PAPPA: variants seen among roughly 807,000 people sequenced by gnomAD.
The protein encoded by PAPPA is pappalysin 1.
A neutral mutation model predicts 164.0 loss-of-function variants in PAPPA; 60 were observed. That is an observed-to-expected ratio of 0.37 (90% CI 0.30 to 0.45). The LOEUF (loss-of-function observed/expected upper bound fraction) is 0.45, where lower values mean the gene tolerates loss of function less well. PAPPA is among the 20% of genes least tolerant of loss of function. The probability of loss-of-function intolerance (pLI) is 1.00; values close to 1 mark genes in which losing one functional copy is unlikely to be tolerated. For missense variants in PAPPA, 1,782 were observed against 2,087.3 expected (o/e 0.85, Z 2.85); for synonymous variants, 875 against 814.1 (o/e 1.07, Z -1.27).
chr9:116,353,470 T>A (rs1013955925), intron 16 of PAPPA, 152 bp from the exon 17 acceptor site: 1 of 654,176 alleles, frequency 1.5e-6, no homozygotes, highest in Admixed American at 2.9e-5. Flanking sequence ...TTATCCTTAA[T>A]TCCTGCACGG....
At chr9:116,373,395 C>T (rs1447420718) in intron 19 of PAPPA, 1 of 152,046 alleles carries the variant, frequency 6.6e-6, no homozygotes, top group Non-Finnish European at 1.5e-5. Flanking sequence ...GCCAGAAACT[C>T]AGTGGCTGAT....
chr9:116,373,559 G>A (rs1323147599), intron 19 of PAPPA: 1 of 152,050 alleles, frequency 6.6e-6, no homozygotes, highest in Non-Finnish European at 1.5e-5. Context: ...TGGATGAGGG[G>A]GCTCTCTTAG....
chr9:116,192,063 C>A (rs1054682594), intron 2 of PAPPA, among the ~76,000 whole-genome samples: 2 of 152,134 alleles, frequency 1.3e-5, no homozygotes, highest in African/African-American at 4.8e-5. Flanking sequence ...GCCACCTGAC[C>A]AGAAGGGAAC....
chr9:116,161,438 GGACTCT>G (rs1351279643), intron 1 of PAPPA, among the ~76,000 whole-genome samples: 1 of 152,180 alleles, frequency 6.6e-6, no homozygotes, highest in Non-Finnish European at 1.5e-5. Flanking sequence ...GTGAAGGGCA[GGACTCT>G]GCCTCTCTCC....
At chr9:116,343,688 T>C (rs908701571) in intron 13 of PAPPA, among the ~76,000 whole-genome samples, 4 of 152,184 alleles carry the variant, frequency 2.6e-5, no homozygotes, top group African/African-American at 9.7e-5. Flanking sequence ...TGATGTACTT[T>C]GCCAACTAGG....
intron 1 of PAPPA, among the ~76,000 whole-genome samples, chr9:116,166,105 G>A (rs993844369): frequency 6.6e-6 from 1 of 152,238 alleles, no homozygotes; most frequent in Admixed American, 6.5e-5. Context: ...GTTGCATTAC[G>A]TAACCAAAGC....
intron 15 of PAPPA, among the ~76,000 whole-genome samples, chr9:116,350,723 T>A (rs1307586723): frequency 6.6e-6 from 1 of 152,170 alleles, no homozygotes; most frequent in Non-Finnish European, 1.5e-5. Flanking sequence ...ACCTTGTGCA[T>A]TAGCTGGGCA....
At chr9:116,166,104 C>T (rs961152436) in intron 1 of PAPPA, among the ~76,000 whole-genome samples, 4 of 152,210 alleles carry the variant, frequency 2.6e-5, no homozygotes, top group East Asian at 3.9e-4. Context: ...TGTTGCATTA[C>T]GTAACCAAAG....
intron 10 of PAPPA, among the ~76,000 whole-genome samples, chr9:116,317,413 C>A (rs1291741380): frequency 6.6e-6 from 1 of 152,102 alleles, no homozygotes; most frequent in Non-Finnish European, 1.5e-5. Flanking sequence ...CCCCTTTAGT[C>A]TTAATAGCTC....
chr9:116,365,615 T>A, intron 18 of PAPPA, among the ~76,000 whole-genome samples: 1 of 150,968 alleles, frequency 6.6e-6, no homozygotes, highest in Non-Finnish European at 1.5e-5. Context: ...AGGCTGCATT[T>A]TTTTTTTTCA....
In PAPPA at chr9:116,331,345, T is replaced by C. The variant is rs1201458306; in HGVS notation, c.3249T>C (p.Thr1083=). 1 of 1,607,954 alleles carries C rather than the reference T, an allele frequency of 6.2e-7. No homozygotes were observed. Among genetic ancestry groups the C allele is most frequent in the Non-Finnish European group, 8.5e-7 (1 of 1,174,518 alleles). The change falls in exon 11 of 22, where the codon ACT becomes ACC. Residue 1083 remains threonine, a synonymous_variant. Transcript: ENST00000328252. ...SYPYSQLAQT[T]FWLRAYFSQP... ...CATATTCCCAGCTGGCTCAGACCAC[T>C]TTTTGGCTCCGGGTAAGCTGAAGCT...
chr9:116,344,516 T>A, intron 13 of PAPPA, 27 bp from the exon 14 acceptor site: 4 of 1,600,854 alleles, frequency 2.5e-6, no homozygotes, highest in Non-Finnish European at 3.4e-6. Context: ...GGAGACTCCT[T>A]CTTCCCCTCG....
At chr9:116,379,542 T>C (rs1846699538) in intron 20 of PAPPA, among the ~76,000 whole-genome samples, 1 of 102,640 alleles carries the variant, frequency 9.7e-6, no homozygotes, top group African/African-American at 3.0e-5. Flanking sequence ...TTGCCTGTCA[T>C]CCATCCATCC....
intron 9 of PAPPA, among the ~76,000 whole-genome samples, chr9:116,276,636 A>G (rs982831137): frequency 6.6e-6 from 1 of 152,178 alleles, no homozygotes; most frequent in Non-Finnish European, 1.5e-5. Flanking sequence ...TATAGTTAAG[A>G]AAACAAAGGA....
At chr9:116,338,568 G>A (rs1230260155) in intron 13 of PAPPA, among the ~76,000 whole-genome samples, 1 of 152,160 alleles carries the variant, frequency 6.6e-6, no homozygotes, top group Admixed American at 6.5e-5. Context: ...GAATGAAGCT[G>A]CTCTTGGCCA....
intron 1 of PAPPA, among the ~76,000 whole-genome samples, chr9:116,182,534 G>T (rs1172970228): frequency 6.6e-6 from 1 of 152,114 alleles, no homozygotes; most frequent in Non-Finnish European, 1.5e-5. Context: ...ACTTGTCTTG[G>T]GGTAATATTT....
chr9:116,320,924 A>T (rs1490197538), intron 10 of PAPPA, among the ~76,000 whole-genome samples: 4 of 152,178 alleles, frequency 2.6e-5, no homozygotes, highest in African/African-American at 9.7e-5. Context: ...AGTGCTCCGC[A>T]GGTAGTGGGA....
At chr9:116,341,344 A>G (rs1366708668) in intron 13 of PAPPA, among the ~76,000 whole-genome samples, 1 of 152,000 alleles carries the variant, frequency 6.6e-6, no homozygotes, top group Non-Finnish European at 1.5e-5. Context: ...CCGACCTCAA[A>G]GCATTTCTCA....
intron 5 of PAPPA, among the ~76,000 whole-genome samples, chr9:116,225,527 G>A (rs400393): frequency 0.49 from 73,718 of 151,928 alleles, 18,771 homozygotes; most frequent in East Asian, 0.73. Context: ...AGCTTTGGAT[G>A]TTACTTTTTC....
Sources: allele counts gnomAD v4.1 joint callset (sites outside exome capture counted in the v4.1 genomes callset), GRCh38; gene constraint gnomAD v4.1.1; transcripts MANE v1.5; gene names NCBI Gene and HGNC (gene_info 2026-07-23, HGNC 2026-07-21).